The following KRT73 variants were observed in gnomAD, a reference collection of about 807,000 sequenced individuals.
The protein encoded by KRT73 is keratin 73.
In KRT73, 44 loss-of-function variants were observed where a neutral mutation model predicts 47.2. The observed-to-expected ratio is 0.93, with a 90% CI of 0.73 to 1.20. The LOEUF is 1.20. Ranked by LOEUF, KRT73 falls within the 50% of genes most tolerant of loss-of-function variation. The probability of loss-of-function intolerance (pLI) is 0.00; values close to 1 mark genes in which losing one functional copy is unlikely to be tolerated. For synonymous variants in KRT73, 285 were observed against 291.3 expected, an observed-to-expected ratio of 0.98 and a Z score of 0.22; for missense variants, 713 against 704.5, an observed-to-expected ratio of 1.01 and a Z score of -0.14.
intron 1 of KRT73, 98 bp downstream of exon 1, chr12:52,617,980 C>T: frequency 7.5e-7 from 1 of 1,334,394 alleles, no homozygotes. Context: ...AAAATGATTT[C>T]TTGCTCTCAG....
the KRT73 span, among the ~76,000 whole-genome samples, chr12:52,625,452 C>G: frequency 2.6e-5 from 4 of 152,290 alleles, no homozygotes; most frequent in East Asian, 7.7e-4. Context: ...CAACACCTAT[C>G]AGAATGGCTT....
In KRT73 at chr12:52,611,325, T is replaced by G; in HGVS notation, c.989A>C (p.Gln330Pro). Residue 330 changes from glutamine (Q) to proline (P), a missense_variant, in exon 6 of 9, where the codon CAG becomes CCG. Transcript: ENST00000305748. ...EAEALYQTKF[Q>P]ELQLAAGRHG... is the part of the protein sequence containing the mutation. ...CCGGCCGGCTGCTAGCTGCAGCTCC[T>G]GGAACTAGAGGAAAAGGAACCAAAG... 6.2e-7 allele frequency: 1 copy of G among 1,614,086 alleles called. No homozygotes were observed. Among genetic ancestry groups the G allele is most frequent in the Non-Finnish European group, 8.5e-7 (1 of 1,179,984 alleles).
intron 1 of KRT73, 149 bp from the exon 2 acceptor site, chr12:52,616,529 C>T (rs1271991339): frequency 6.4e-6 from 6 of 933,578 alleles, no homozygotes; most frequent in South Asian, 1.7e-5. Flanking sequence ...CTCACACCCC[C>T]ACTCCTTACC....
rs143037582 is a variant in KRT73, at chr12:52,608,250, G to A, written c.1569C>T (p.Asp523=). ...TTAGAGCTAAGGTCTTTCCCTGGGA[G>A]TCCCTGAATTCACTTGCACTCCCCA... The part of the protein sequence containing the change: ...TRLGSASEFR[D]SQGKTLALSS... The change falls in exon 9 of 9, where the codon GAC becomes GAT. Residue 523 remains aspartate, a synonymous_variant. Transcript: ENST00000305748. 2 of 1,613,984 alleles carry A rather than the reference G, an allele frequency of 1.2e-6. No homozygotes were observed. The highest frequency in any genetic ancestry group is 2.7e-5 in the African/African-American group (2 of 75,040).
chr12:52,610,533 C>G (rs1940674096), intron 7 of KRT73, 82 bp downstream of exon 7: 4 of 183,894 alleles, frequency 2.2e-5, no homozygotes, highest in Admixed American at 1.8e-4. Flanking sequence ...CTCGCCGCCC[C>G]CTCCCCCCCG....
At chr12:52,614,119 C>T (rs1340297973) in intron 4 of KRT73, 2 of 414,764 alleles carry the variant, frequency 4.8e-6, no homozygotes, top group Non-Finnish European at 8.6e-6. Flanking sequence ...TGGAAGACAA[C>T]AGCCTGGCTG....
the KRT73 span, among the ~76,000 whole-genome samples, chr12:52,627,354 G>T: frequency 6.6e-6 from 1 of 152,174 alleles, no homozygotes; most frequent in Non-Finnish European, 1.5e-5. Flanking sequence ...GCACATAAAT[G>T]GTTGTTGAAT....
At chr12:52,625,570 G>GT in the KRT73 span, among the ~76,000 whole-genome samples, 10,414 of 152,108 alleles carry the variant, frequency 0.068, 813 homozygotes, top group Admixed American at 0.16. Context: ...CTGGAAAACA[G>GT]TTTAGCAGTT....
At chr12:52,626,268 G>T in the KRT73 span, among the ~76,000 whole-genome samples, 1 of 152,226 alleles carries the variant, frequency 6.6e-6, no homozygotes, top group Non-Finnish European at 1.5e-5. Flanking sequence ...AAGCACAGAA[G>T]GTTAAGTTAC....
chr12:52,626,171 G>A, the KRT73 span, among the ~76,000 whole-genome samples: 1 of 152,188 alleles, frequency 6.6e-6, no homozygotes, highest in East Asian at 1.9e-4. Flanking sequence ...GCATGTATAT[G>A]ACAGGTACTG....
the KRT73 span, among the ~76,000 whole-genome samples, chr12:52,624,952 A>T: frequency 6.9e-6 from 1 of 144,198 alleles, no homozygotes; most frequent in African/African-American, 2.5e-5. Flanking sequence ...CAAAAATAAA[A>T]CAAAAAATCT....
the KRT73 span, among the ~76,000 whole-genome samples, chr12:52,629,122 C>T: frequency 3.9e-5 from 6 of 152,202 alleles, no homozygotes; most frequent in Non-Finnish European, 8.8e-5. Flanking sequence ...ACCAGATCCT[C>T]AGGGGATGGT....
At chr12:52,624,754 A>G in the KRT73 span, among the ~76,000 whole-genome samples, 1 of 152,048 alleles carries the variant, frequency 6.6e-6, no homozygotes. Context: ...GGACTTTAAC[A>G]TATCTTTTTT....
the KRT73 span, among the ~76,000 whole-genome samples, chr12:52,629,136 C>T: frequency 6.6e-6 from 1 of 152,198 alleles, no homozygotes; most frequent in Non-Finnish European, 1.5e-5. Flanking sequence ...GGATGGTGCC[C>T]CCTCTCAGGA....
chr12:52,610,650 G>A lies in KRT73; in HGVS notation c.1296C>T (p.Ala432=). 1 of 1,613,314 alleles carries A rather than the reference G, an allele frequency of 6.2e-7. No individual in the cohort carries two copies. Among genetic ancestry groups the A allele is most frequent in the Non-Finnish European group, 8.5e-7 (1 of 1,179,876 alleles). ...SVKLSLDIEI[A]TYRKLLEGEE... ...CGCCCTCCAGCAGCTTGCGGTAGGT[G>A]GCGATCTCAATATCCAGGGACAGCT... The change falls in exon 7 of 9, where the codon GCC becomes GCT. Residue 432 remains alanine (A), a synonymous_variant. Coordinates refer to ENST00000305748, the MANE Select transcript of KRT73 (RefSeq NM_175068.3).
At chr12:52,619,888 C>G (rs647240), upstream of KRT73, among the ~76,000 whole-genome samples, 2 of 151,958 alleles carry the variant, frequency 1.3e-5, no homozygotes, top group East Asian at 3.9e-4. Flanking sequence ...GAACAGTTGG[C>G]CCATCCTTCT....
At chr12:52,626,307 G>A in the KRT73 span, among the ~76,000 whole-genome samples, 141 of 152,324 alleles carry the variant, frequency 9.3e-4, 1 homozygote, top group African/African-American at 3.3e-3. Flanking sequence ...CTAGAACCAG[G>A]ACTGGAAGCC....
chr12:52,619,290 T>C (rs1592246995), upstream of KRT73, among the ~76,000 whole-genome samples: 1 of 152,246 alleles, frequency 6.6e-6, no homozygotes, highest in East Asian at 1.9e-4. Context: ...TGCAGCACTT[T>C]ACAGTGTAAC....
chr12:52,616,579 G>A (rs1441866445), intron 1 of KRT73, among the ~76,000 whole-genome samples, 199 bp from the exon 2 acceptor site: 3 of 152,172 alleles, frequency 2.0e-5, no homozygotes, highest in Non-Finnish European at 4.4e-5. Context: ...CTCTGAGGCA[G>A]CCCTTAAGGT....
Sources: allele counts gnomAD v4.1 joint callset (sites outside exome capture counted in the v4.1 genomes callset), GRCh38; gene constraint gnomAD v4.1.1; transcripts MANE v1.5; gene names NCBI Gene and HGNC (gene_info 2026-07-23, HGNC 2026-07-21).